The following SIGLEC14 variants were observed in gnomAD, a reference collection of about 807,000 sequenced individuals.
The protein encoded by SIGLEC14 is sialic acid binding Ig like lectin 14.
In SIGLEC14, 11 loss-of-function variants were observed where a neutral mutation model predicts 34.2. The ratio of observed to expected loss-of-function variants is 0.32; its 90% CI spans 0.20 to 0.53. SIGLEC14 has a LOEUF of 0.53. SIGLEC14 is among the 20% of genes least tolerant of loss of function. The pLI is 0.95. For synonymous variants in SIGLEC14, 99 were observed against 179.7 expected, an observed-to-expected ratio of 0.55 and a Z score of 3.59; for missense variants, 264 against 439.0, an observed-to-expected ratio of 0.60 and a Z score of 3.56.
rs753081326 is a variant in SIGLEC14 at position 51,643,821 on chromosome 19, G to A, written c.970C>T (p.Pro324Ser). The A allele has an allele frequency of 8.5e-6, 13 of 1,528,796 alleles. 1 individual carries two copies. The highest frequency in any genetic ancestry group is 1.1e-5 in the Non-Finnish European group (13 of 1,138,184). 94.7% of individuals were successfully genotyped at this position (1,528,796 alleles called of 1,614,324 possible). A position where few individuals can be genotyped will look rare whatever the true frequency, so the allele number is the denominator to read the frequency against. The change falls in exon 5 of 7, where the codon CCG becomes TCG. Residue 324 changes from proline to serine, a missense_variant. Around this residue, in one of 5 missense-constraint regions of SIGLEC14, gnomAD observed 149 missense variants for 184.4 expected, o/e 0.81. Coordinates refer to ENST00000360844, the MANE Select transcript of SIGLEC14 (RefSeq NM_001098612.3). The part of the protein sequence containing the change: ...GGEFTCRVQH[P>S]LGSQHLSFIL... ...AAGGACAGGTGCTGGGAGCCCAGCG[G>A]ATGCTGAACCCGGCAGGTGAATTCC... is the stretch of plus-strand genomic sequence containing the variant.
chr19:51,645,600 C>G (rs777283350), intron 3 of SIGLEC14, 70 bp from the exon 4 acceptor site: 2 of 1,473,670 alleles, frequency 1.4e-6, no homozygotes, highest in Admixed American at 3.5e-5. Flanking sequence ...GGGAGGGACC[C>G]AAGGAGGGGC....
At chr19:51,644,103 T>G in intron 4 of SIGLEC14, 67 bp from the exon 5 acceptor site, 2 of 1,393,640 alleles carry the variant, frequency 1.4e-6, no homozygotes, top group Non-Finnish European at 1.9e-6. Flanking sequence ...TTCCTCCCAC[T>G]GAGCTGCAAG....
chr19:51,646,605 C>A lies in SIGLEC14; in HGVS notation c.73G>T (p.Val25Leu). The part of the protein sequence containing the change: ...LQEKPVYELQ[V>L]QKSVTVQEGL... Reference sequence around the variant, plus strand: ...TCCTGCACCGTCACCGACTTCTGCACTTGCAGCTCGTACACTGGCTTCTCC... The same window carrying A: ...TCCTGCACCGTCACCGACTTCTGCAATTGCAGCTCGTACACTGGCTTCTCC... Residue 25 changes from valine to leucine, a missense_variant, in exon 2 of 7, where the codon GTG (valine) becomes TTG (leucine). Transcript: ENST00000360844. 2 of 525,154 alleles carry A rather than the reference C, an allele frequency of 3.8e-6. No individual in the cohort carries two copies. The highest frequency in any genetic ancestry group is 6.2e-6 in the Non-Finnish European group (2 of 324,618). The allele number at this position is 525,154 out of a possible 1,614,324, so 32.5% of individuals were successfully genotyped here. A position where few individuals can be genotyped will look rare whatever the true frequency, so the allele number is the denominator to read the frequency against.
chr19:51,643,479 G>GGGCCCC, intron 6 of SIGLEC14, 58 bp downstream of exon 6: 1 of 1,296,396 alleles, frequency 7.7e-7, no homozygotes, highest in Non-Finnish European at 1.0e-6. Flanking sequence ...CCTGGGGCAG[G>GGGCCCC]ACAGCTCAGC....
intron 4 of SIGLEC14, among the ~76,000 whole-genome samples, chr19:51,645,037 A>C (rs1308643911): frequency 7.4e-6 from 1 of 135,764 alleles, no homozygotes; most frequent in Non-Finnish European, 1.6e-5. Flanking sequence ...CTGAGTACTC[A>C]AACTCACAGA....
At chr19:51,645,365 G>T in intron 4 of SIGLEC14, 112 bp downstream of exon 4, 1 of 998,188 alleles carries the variant, frequency 1.0e-6, no homozygotes, top group Non-Finnish European at 1.5e-6. Flanking sequence ...GGAGCAGGAA[G>T]GACCCAGACC....
rs1983920032 is a variant in SIGLEC14, at chr19:51,642,159, G to T, written c.*1196C>A. Among the ~76,000 whole-genome samples the T allele has an allele frequency of 7.2e-6, 1 of 138,644 alleles. No homozygotes were observed. The highest frequency in any genetic ancestry group is 1.5e-5 in the Non-Finnish European group (1 of 64,938). 91.0% of individuals were successfully genotyped at this position (138,644 alleles called of 152,430 possible). On this transcript the variant is annotated 3_prime_UTR_variant, in exon 7 of 7. Transcript: ENST00000360844. ...AATACAACATAACAAAACTTTTGTG[G>T]TGCAGCAAAAGTGATTAAAGGGAAA...
In SIGLEC14 at chr19:51,642,311, A is replaced by T. The variant is rs1056447662; in HGVS notation, c.*1044T>A. 1.0e-4 allele frequency among the ~76,000 whole-genome samples: 14 copies of T among 139,082 alleles called. 1 individual carries two copies. Among genetic ancestry groups the T allele is most frequent in the Admixed American group, 3.5e-4 (5 of 14,430 alleles). The allele number at this position is 139,082 out of a possible 152,430, so 91.2% of individuals were successfully genotyped here. A position where few individuals can be genotyped will look rare whatever the true frequency, so the allele number is the denominator to read the frequency against. On this transcript the variant is annotated 3_prime_UTR_variant, in exon 7 of 7. Transcript: ENST00000360844. ...ATAAACTGGGAAAACCACACTGAAG[A>T]AATGAAAGCAGACCCTAAAGCAAAT...
rs1334450548 is a variant in SIGLEC14 at position 51,641,955 on chromosome 19, T to C, written c.*1400A>G. Among the ~76,000 whole-genome samples, 1 of 135,478 alleles carries C rather than the reference T, an allele frequency of 7.4e-6. No individual in the cohort carries two copies. Among genetic ancestry groups the C allele is most frequent in the African/African-American group, 2.9e-5 (1 of 34,914 alleles). The allele number at this position is 135,478 out of a possible 152,430, so 88.9% of individuals were successfully genotyped here. A position where few individuals can be genotyped will look rare whatever the true frequency, so the allele number is the denominator to read the frequency against. Reference sequence around the variant, plus strand: ...TGAACTTAAAAGTTAAAAAAAATCATATCAAGCATGTGTATTTATTAAAAT... The same window carrying C: ...TGAACTTAAAAGTTAAAAAAAATCACATCAAGCATGTGTATTTATTAAAAT... On this transcript the variant is annotated 3_prime_UTR_variant, in exon 7 of 7. Transcript: ENST00000360844.
chr19:51,643,313 G>A lies in SIGLEC14; in HGVS notation c.*42C>T, dbSNP rs746471525. 45 of 1,493,440 alleles carry A rather than the reference G, an allele frequency of 3.0e-5. 6 individuals carry two copies. Among genetic ancestry groups the A allele is most frequent in the Non-Finnish European group, 3.8e-5 (42 of 1,110,902 alleles). The allele number at this position is 1,493,440 out of a possible 1,614,324, so 92.5% of individuals were successfully genotyped here. On this transcript the variant is annotated 3_prime_UTR_variant, in exon 7 of 7. Coordinates refer to ENST00000360844, the MANE Select transcript of SIGLEC14 (RefSeq NM_001098612.3). ...TGATGTCCTGCATGTGTCCCACAGG[G>A]CTAAGTGTCCACACCTCAGTTCTGT... is the stretch of plus-strand genomic sequence containing the variant.
At position 51,640,608 on chromosome 19, in the gene SIGLEC14, T is replaced by C. The variant is rs1260814543; in HGVS notation, c.*2747A>G. 2.1e-5 allele frequency among the ~76,000 whole-genome samples: 3 copies of C among 139,748 alleles called. No individual in the cohort carries two copies. In the East Asian group the frequency reaches 9.9e-4, roughly 46 times the overall value. The allele number at this position is 139,748 out of a possible 152,430, so 91.7% of individuals were successfully genotyped here. A position where few individuals can be genotyped will look rare whatever the true frequency, so the allele number is the denominator to read the frequency against. ...AGTCAAAAGAAAACTGGAATGGCTATGTTAATAGCAGACAAAGTACACTTA... is the reference window on the plus strand; with the variant it reads ...AGTCAAAAGAAAACTGGAATGGCTACGTTAATAGCAGACAAAGTACACTTA... On this transcript the variant is annotated 3_prime_UTR_variant, in exon 7 of 7. Transcript: ENST00000360844.
chr19:51,645,321 G>A lies in SIGLEC14; in HGVS notation c.754+156C>T, dbSNP rs374178644. Among the ~76,000 whole-genome samples the A allele has an allele frequency of 6.3e-4, 88 of 138,850 alleles. 12 individuals carry two copies. The highest frequency in any genetic ancestry group is 2.6e-4 in the Non-Finnish European group (17 of 64,864). The allele number at this position is 138,850 out of a possible 152,430, so 91.1% of individuals were successfully genotyped here. ...GCCAAAAGAAATACTAGGTCTGTTC[G>A]TGCAAGATCTTAGTGACTGGGATTG... On this transcript the variant is annotated intron_variant, in intron 4 of 6. Coordinates refer to ENST00000360844, the MANE Select transcript of SIGLEC14 (RefSeq NM_001098612.3).
In SIGLEC14 at chr19:51,643,234, G is replaced by C; in HGVS notation, c.*121C>G. 1 of 984,350 alleles carries C rather than the reference G, an allele frequency of 1.0e-6. No individual in the cohort carries two copies. The highest frequency in any genetic ancestry group is 1.5e-6 in the Non-Finnish European group (1 of 663,892). The allele number at this position is 984,350 out of a possible 1,614,324, so 61.0% of individuals were successfully genotyped here. A position where few individuals can be genotyped will look rare whatever the true frequency, so the allele number is the denominator to read the frequency against. On this transcript the variant is annotated 3_prime_UTR_variant, in exon 7 of 7. Transcript: ENST00000360844. ...AATAAGTAGAAGGGGTATGGGGCAG[G>C]AAGGAAAAGAGGGGTAGTCAGTGGG...
chr19:51,642,613 A>G lies in SIGLEC14; in HGVS notation c.*742T>C, dbSNP rs1267869526. ...TAAAAGTTTTACTTATTTTGTAACA[A>G]TTGTATTGGATAATAATCACAATGA... On this transcript the variant is annotated 3_prime_UTR_variant, in exon 7 of 7. Transcript: ENST00000360844. 7.2e-6 allele frequency: 1 copy of G among 139,332 alleles called. No individual in the cohort carries two copies. The highest frequency in any genetic ancestry group is 1.5e-5 in the Non-Finnish European group (1 of 65,126). The allele number at this position is 139,332 out of a possible 1,614,324, so 8.6% of individuals were successfully genotyped here.
rs1164543277 is a variant in SIGLEC14 at position 51,641,565 on chromosome 19, G to T, written c.*1790C>A. 6.5e-5 allele frequency among the ~76,000 whole-genome samples: 9 copies of T among 139,522 alleles called. 2 individuals are homozygous for T. The highest frequency in any genetic ancestry group is 2.5e-4 in the African/African-American group (9 of 36,724). 91.5% of individuals were successfully genotyped at this position (139,522 alleles called of 152,430 possible). A position where few individuals can be genotyped will look rare whatever the true frequency, so the allele number is the denominator to read the frequency against. On this transcript the variant is annotated 3_prime_UTR_variant, in exon 7 of 7. Coordinates refer to ENST00000360844, the MANE Select transcript of SIGLEC14 (RefSeq NM_001098612.3). ...CTAACTGCCTATCAGTGGTAGACTG[G>T]ATAGAGAAAATGTGGTACATATACA...
At chr19:51,645,566 G>T in intron 3 of SIGLEC14, 36 bp from the exon 4 acceptor site, 1 of 1,518,234 alleles carries the variant, frequency 6.6e-7, no homozygotes. Flanking sequence ...CTTCAGAGGT[G>T]ACAAGAGGGA....
chr19:51,644,742 A>G (rs1338879250), intron 4 of SIGLEC14, among the ~76,000 whole-genome samples: 1 of 138,536 alleles, frequency 7.2e-6, no homozygotes, highest in East Asian at 3.3e-4. Flanking sequence ...CCTGGGATCA[A>G]CAGGGAAGGA....
chr19:51,646,231 GTCCTC>G (rs1984039535), intron 2 of SIGLEC14, 21 bp downstream of exon 2: 1 of 1,421,888 alleles, frequency 7.0e-7, no homozygotes, highest in Non-Finnish European at 9.3e-7. Flanking sequence ...ACGTCCCAGG[GTCCTC>G]TCCTAGGGTT....
chr19:51,645,511 G>T lies in SIGLEC14; in HGVS notation c.720C>A (p.Ala240=). The change falls in exon 4 of 7, where the codon GCC becomes GCA. Residue 240 remains alanine, a synonymous_variant. Coordinates refer to ENST00000360844, the MANE Select transcript of SIGLEC14 (RefSeq NM_001098612.3). The part of the protein sequence containing the change: ...LNVSYAPQNL[A]ISIFFRNGTG... ...TGCCATTTCTGAAGAAGATGCTGAT[G>T]GCGAGGTTCTGTGGAGCATCTGGGA... 1 of 1,532,460 alleles carries T rather than the reference G, an allele frequency of 6.5e-7. No homozygotes were observed. The highest frequency in any genetic ancestry group is 8.8e-7 in the Non-Finnish European group (1 of 1,141,048). The allele number at this position is 1,532,460 out of a possible 1,614,324, so 94.9% of individuals were successfully genotyped here. A position where few individuals can be genotyped will look rare whatever the true frequency, so the allele number is the denominator to read the frequency against.
Sources: allele counts gnomAD v4.1 joint callset (sites outside exome capture counted in the v4.1 genomes callset), GRCh38; gene constraint gnomAD v4.1.1; regional missense constraint gnomAD v4.1.1; transcripts MANE v1.5; gene names NCBI Gene and HGNC (gene_info 2026-07-23, HGNC 2026-07-21).